CFAP299: variants seen among roughly 807,000 people sequenced by gnomAD.
CFAP299 encodes cilia and flagella associated protein 299.
A neutral mutation model predicts 27.0 loss-of-function variants in CFAP299; 21 were observed. The observed-to-expected ratio is 0.78, with a 90% confidence interval of 0.55 to 1.12. CFAP299 has a LOEUF of 1.12. Among genes scored for constraint, CFAP299 ranks in the 50% most tolerant of loss-of-function variants. The pLI is 0.00. For synonymous variants in CFAP299, 104 were observed against 98.1 expected (o/e 1.06, Z -0.36); for missense variants, 310 against 276.6 (o/e 1.12, Z -0.86).
intron 2 of CFAP299, among the ~76,000 whole-genome samples, chr4:80,577,414 T>TTTTTC (rs1735926221): frequency 7.1e-6 from 1 of 141,726 alleles, no homozygotes; most frequent in African/African-American, 2.6e-5. Context: ...TTTTTTTTTT[T>TTTTTC]TTTTTTTGAG....
intron 2 of CFAP299, among the ~76,000 whole-genome samples, chr4:80,487,690 C>T (rs900128775): frequency 3.3e-5 from 5 of 152,132 alleles, no homozygotes; most frequent in Non-Finnish European, 5.9e-5. Flanking sequence ...CTGAGTGCAT[C>T]GAATCTGAAT....
intron 3 of CFAP299, among the ~76,000 whole-genome samples, chr4:80,814,712 T>A (rs1378506862): frequency 3.3e-5 from 5 of 151,760 alleles, no homozygotes; most frequent in Admixed American, 3.3e-4. Context: ...TAAAAATCTT[T>A]ATGTCTTAAA....
intron 3 of CFAP299, among the ~76,000 whole-genome samples, chr4:80,823,933 T>A (rs990149884): frequency 2.0e-5 from 3 of 152,228 alleles, no homozygotes; most frequent in Non-Finnish European, 4.4e-5. Flanking sequence ...ATAATTTTTT[T>A]AATGTTTCAA....
At chr4:80,902,082 G>C (rs1044555737) in intron 4 of CFAP299, among the ~76,000 whole-genome samples, 1 of 151,940 alleles carries the variant, frequency 6.6e-6, no homozygotes, top group Non-Finnish European at 1.5e-5. Flanking sequence ...ATATTTTCCA[G>C]CTGGGTCAGG....
chr4:80,770,964 C>T (rs1054032411), intron 3 of CFAP299, among the ~76,000 whole-genome samples: 1 of 152,150 alleles, frequency 6.6e-6, no homozygotes, highest in South Asian at 2.1e-4. Context: ...AGGTCAGGCC[C>T]ACCTAGATAT....
At chr4:80,536,857 C>T (rs945155658) in intron 2 of CFAP299, among the ~76,000 whole-genome samples, 2 of 151,936 alleles carry the variant, frequency 1.3e-5, no homozygotes, top group African/African-American at 4.8e-5. Context: ...GCAAAATAAA[C>T]AAGTGGGATT....
At chr4:80,444,832 GA>G (rs1245460802) in intron 2 of CFAP299, among the ~76,000 whole-genome samples, 1 of 151,784 alleles carries the variant, frequency 6.6e-6, no homozygotes, top group African/African-American at 2.4e-5. Context: ...AAATTTACAA[GA>G]AAAAAACAAC....
At chr4:80,871,741 C>A in intron 4 of CFAP299, 2 of 625,692 alleles carry the variant, frequency 3.2e-6, no homozygotes, top group Non-Finnish European at 4.0e-6. Flanking sequence ...AACACTTCAG[C>A]ATGGATCTTT....
At chr4:80,652,307 C>A (rs772478355) in intron 3 of CFAP299, among the ~76,000 whole-genome samples, 19 of 151,792 alleles carry the variant, frequency 1.3e-4, no homozygotes, top group Non-Finnish European at 2.1e-4. Context: ...TTTTTATGAA[C>A]AATATTTTAT....
At chr4:80,717,625 A>G (rs1722562224) in intron 3 of CFAP299, among the ~76,000 whole-genome samples, 1 of 152,130 alleles carries the variant, frequency 6.6e-6, no homozygotes, top group Admixed American at 6.6e-5. Flanking sequence ...GTCTCTTTAT[A>G]GGAGAATGTA....
intron 3 of CFAP299, among the ~76,000 whole-genome samples, chr4:80,720,189 A>G (rs1041112067): frequency 6.6e-6 from 1 of 152,146 alleles, no homozygotes; most frequent in Non-Finnish European, 1.5e-5. Context: ...AGATCTAAAG[A>G]GGACCCCCCC....
At chr4:80,558,177 TTC>T (rs561192885) in intron 2 of CFAP299, among the ~76,000 whole-genome samples, 257 of 151,352 alleles carry the variant, frequency 1.7e-3, no homozygotes, top group Admixed American at 2.7e-3. Flanking sequence ...ATGTCACAGT[TTC>T]TCTCTGTTTC....
chr4:80,350,177 A>G (rs1015493131), intron 1 of CFAP299, among the ~76,000 whole-genome samples: 2 of 152,174 alleles, frequency 1.3e-5, no homozygotes, highest in Admixed American at 6.5e-5. Flanking sequence ...AAAGGGAAGG[A>G]AGGAATAAAA....
chr4:80,662,996 C>A (rs1004045375), intron 3 of CFAP299, among the ~76,000 whole-genome samples: 15 of 151,682 alleles, frequency 9.9e-5, no homozygotes, highest in Non-Finnish European at 1.5e-5. Flanking sequence ...TCTGAAGAAT[C>A]CTTTTTCTCA....
At chr4:80,893,605 C>T (rs1474010758) in intron 4 of CFAP299, among the ~76,000 whole-genome samples, 1 of 149,800 alleles carries the variant, frequency 6.7e-6, no homozygotes, top group Non-Finnish European at 1.5e-5. Context: ...ATCAAGAACA[C>T]AATGTGGAAA....
intron 2 of CFAP299, among the ~76,000 whole-genome samples, chr4:80,577,787 C>T (rs1432565505): frequency 7.9e-5 from 12 of 152,112 alleles, no homozygotes; most frequent in Middle Eastern, 3.4e-3. Flanking sequence ...ATTGATATCA[C>T]AAATATGTAG....
intron 3 of CFAP299, among the ~76,000 whole-genome samples, chr4:80,620,260 T>C (rs934583935): frequency 1.3e-5 from 2 of 152,142 alleles, no homozygotes; most frequent in African/African-American, 4.8e-5. Flanking sequence ...TGCATGTATG[T>C]CACTACCCTT....
At chr4:80,747,052 A>G (rs1183667150) in intron 3 of CFAP299, among the ~76,000 whole-genome samples, 1 of 152,010 alleles carries the variant, frequency 6.6e-6, no homozygotes, top group East Asian at 1.9e-4. Context: ...CAAGGAGCCT[A>G]AAGGAAATGC....
rs144314241 is a variant in CFAP299, at chr4:80,795,828, A to G, written c.334-74165A>G. Among the ~76,000 whole-genome samples the G allele has an allele frequency of 5.0e-3, 766 of 152,218 alleles. 5 individuals are homozygous for G. Among genetic ancestry groups the G allele is most frequent in the Non-Finnish European group, 8.2e-3 (561 of 68,014 alleles). ...TCCACCAAAGCCCACTAACAGACCAAGATCTGTCTCTCAAATAAGAGTAGT... is the reference window on the plus strand; with the variant it reads ...TCCACCAAAGCCCACTAACAGACCAGGATCTGTCTCTCAAATAAGAGTAGT... On this transcript the variant is annotated intron_variant, in intron 3 of 5. Coordinates refer to ENST00000358105, the MANE Select transcript of CFAP299 (RefSeq NM_152770.3).
Sources: gnomAD v4.1 joint callset for allele counts (sites outside exome capture counted in the v4.1 genomes callset) on GRCh38, gnomAD v4.1.1 for gene constraint, MANE v1.5 for transcripts, NCBI Gene and HGNC (gene_info 2026-07-23, HGNC 2026-07-21) for gene names.